Variants in TXNDC5 observed in about 807,000 individuals in gnomAD.
The protein encoded by TXNDC5 is thioredoxin domain-containing protein 5.
TXNDC5 carries 44 observed loss-of-function variants against 52.6 expected under a neutral mutation model. The ratio of observed to expected loss-of-function variants is 0.84; its 90% CI spans 0.66 to 1.08. TXNDC5 has a LOEUF of 1.08. Ranked by LOEUF, TXNDC5 falls within the 50% of genes least tolerant of loss-of-function variation. The pLI, the probability that TXNDC5 is intolerant of heterozygous loss-of-function variation, is 0.00. For missense variants in TXNDC5, 600 were observed against 565.5 expected (o/e 1.06, Z -0.62); for synonymous variants, 241 against 234.4 (o/e 1.03, Z -0.26).
intron 9 of TXNDC5, among the ~76,000 whole-genome samples, 184 bp from the exon 10 acceptor site, chr6:7,883,450 G>T (rs1273006462): frequency 6.6e-6 from 1 of 152,206 alleles, no homozygotes; most frequent in African/African-American, 2.4e-5. Context: ...CCGTGGGGCT[G>T]TGTGTTCACT....
intron 9 of TXNDC5, 132 bp downstream of exon 9, chr6:7,884,227 C>T: frequency 2.4e-6 from 3 of 1,246,842 alleles, no homozygotes; most frequent in African/African-American, 3.0e-5. Context: ...TCCAAACAAA[C>T]AACTCAAAGG....
intron 2 of TXNDC5, among the ~76,000 whole-genome samples, chr6:7,901,714 C>T (rs55767631): frequency 0.052 from 7,920 of 152,186 alleles, 284 homozygotes; most frequent in East Asian, 0.11. Flanking sequence ...AAGTATTGCC[C>T]CAGATTTCCG....
At chr6:7,900,498 C>T (rs1191852651) in intron 2 of TXNDC5, among the ~76,000 whole-genome samples, 1 of 152,184 alleles carries the variant, frequency 6.6e-6, no homozygotes, top group Non-Finnish European at 1.5e-5. Flanking sequence ...CATCTAAACA[C>T]CCCTGCCACT....
chr6:7,899,264 A>G (rs943510354), intron 3 of TXNDC5, among the ~76,000 whole-genome samples: 1 of 152,222 alleles, frequency 6.6e-6, no homozygotes, highest in African/African-American at 2.4e-5. Context: ...TTCCCTGAAG[A>G]CTGACTACAG....
At chr6:7,884,323 C>A (rs374919879) in intron 9 of TXNDC5, 36 bp downstream of exon 9, 4 of 1,612,816 alleles carry the variant, frequency 2.5e-6, no homozygotes, top group Non-Finnish European at 3.4e-6. Context: ...TGCCCCCATA[C>A]TGAGAGCTCC....
At chr6:7,888,608 T>C in intron 7 of TXNDC5, 97 bp downstream of exon 7, 2 of 1,443,962 alleles carry the variant, frequency 1.4e-6, no homozygotes, top group South Asian at 1.4e-5. Context: ...AACTGTCATT[T>C]TGTCCAAAGC....
Position 7,891,689 on chromosome 6 carries a change from C to G in TXNDC5, c.664G>C (p.Ala222Pro). Residue 222 changes from alanine to proline, a missense_variant, in exon 5 of 10, where the codon GCC becomes CCC. By Grantham distance (27) the Ala-to-Pro change is conservative (BLOSUM62 -1). Transcript: ENST00000379757. ...FFAPWCGHCK[A>P]LAPTWEQLAL... ...AGCTGCTCCCAGGTTGGAGCCAGGG[C>G]TTTGCAGTGACCACACCACGGAGCG... 1 of 1,614,010 alleles carries G rather than the reference C, an allele frequency of 6.2e-7. No individual in the cohort carries two copies. Among genetic ancestry groups the G allele is most frequent in the Non-Finnish European group, 8.5e-7 (1 of 1,179,926 alleles).
intron 1 of TXNDC5, among the ~76,000 whole-genome samples, chr6:7,909,126 C>T (rs774495055): frequency 2.0e-5 from 3 of 152,172 alleles, no homozygotes; most frequent in African/African-American, 4.8e-5. Context: ...GATTTAACTC[C>T]AAATGAACTG....
chr6:7,907,453 A>T (rs1484951855), intron 1 of TXNDC5, among the ~76,000 whole-genome samples: 2 of 152,170 alleles, frequency 1.3e-5, no homozygotes, highest in Non-Finnish European at 2.9e-5. Context: ...AGGGTGACTC[A>T]CAAACTGGCC....
intron 5 of TXNDC5, among the ~76,000 whole-genome samples, chr6:7,889,882 G>T (rs1760131858): frequency 1.3e-5 from 2 of 152,178 alleles, no homozygotes; most frequent in Admixed American, 1.3e-4. Context: ...TCAGCACCTG[G>T]TAGCTTGAGT....
chr6:7,891,670 T>C lies in TXNDC5; in HGVS notation c.683A>G (p.Glu228Gly). 1 of 1,614,024 alleles carries C rather than the reference T, an allele frequency of 6.2e-7. No homozygotes were observed. The highest frequency in any genetic ancestry group is 8.5e-7 in the Non-Finnish European group (1 of 1,179,958). ...ATGTTCAAGGCCCAGAGCCAGCTGC[T>C]CCCAGGTTGGAGCCAGGGCTTTGCA... is the stretch of plus-strand genomic sequence containing the variant. Reference protein sequence around the residue: ...GHCKALAPTWEQLALGLEHSE... With the variant: ...GHCKALAPTWGQLALGLEHSE... Residue 228 changes from glutamate to glycine, a missense_variant, in exon 5 of 10, where the codon GAG (glutamate) becomes GGG (glycine). Physicochemically the swap from Glu to Gly is moderately conservative, Grantham distance 98. Coordinates refer to ENST00000379757, the MANE Select transcript of TXNDC5 (RefSeq NM_030810.5).
chr6:7,897,418 T>C (rs1760410822), intron 3 of TXNDC5, among the ~76,000 whole-genome samples: 1 of 152,234 alleles, frequency 6.6e-6, no homozygotes, highest in African/African-American at 2.4e-5. Flanking sequence ...TTTTTAAAGT[T>C]TTCACTTAAA....
At chr6:7,888,079 C>G (rs116262647) in intron 7 of TXNDC5, among the ~76,000 whole-genome samples, 1 of 152,208 alleles carries the variant, frequency 6.6e-6, no homozygotes, top group Non-Finnish European at 1.5e-5. Flanking sequence ...GGCAGGAAAC[C>G]GGTCTTATTT....
chr6:7,884,064 G>C (rs532712996), intron 9 of TXNDC5, among the ~76,000 whole-genome samples: 9 of 152,218 alleles, frequency 5.9e-5, no homozygotes, highest in Non-Finnish European at 1.2e-4. Flanking sequence ...GTCGCGGTGT[G>C]GGAAGCCCCA....
intron 6 of TXNDC5, 94 bp from the exon 7 acceptor site, chr6:7,888,942 C>G: frequency 6.8e-7 from 1 of 1,472,582 alleles, no homozygotes; most frequent in Non-Finnish European, 9.1e-7. Context: ...CGGGTCAGAG[C>G]TCCCAGATGT....
At chr6:7,884,544 A>G (rs1282265911) in intron 8 of TXNDC5, 56 bp from the exon 9 acceptor site, 3 of 1,609,734 alleles carry the variant, frequency 1.9e-6, no homozygotes, top group Non-Finnish European at 1.7e-6. Context: ...TCATTCACCT[A>G]CACTCTGCTG....
At position 7,891,705 on chromosome 6, in the gene TXNDC5, C is replaced by T. The variant is rs1760195961; in HGVS notation, c.648G>A (p.Trp216Ter). ...GDHFIKFFAPWCGHCKALAPT... is the reference protein window; with the variant it reads ...GDHFIKFFAP ...GAGCCAGGGCTTTGCAGTGACCACA[C>T]CACGGAGCGAAGAACTTGATAAAGT... Residue 216 changes from tryptophan (W) to a stop codon, truncating the protein, a stop_gained, in exon 5 of 10, where the codon TGG (tryptophan) becomes TGA (stop). Coordinates refer to ENST00000379757, the MANE Select transcript of TXNDC5 (RefSeq NM_030810.5). LOFTEE classifies it high-confidence loss of function. 2 of 1,613,854 alleles carry T rather than the reference C, an allele frequency of 1.2e-6. No individual in the cohort carries two copies. Among genetic ancestry groups the T allele is most frequent in the South Asian group, 1.1e-5 (1 of 91,066 alleles).
intron 5 of TXNDC5, 83 bp from the exon 6 acceptor site, chr6:7,889,664 T>TA (rs1469329386): frequency 1.9e-6 from 2 of 1,055,124 alleles, no homozygotes; most frequent in Non-Finnish European, 2.8e-6. Flanking sequence ...CTTTGTACGT[T>TA]ACAAATATTC....
chr6:7,894,854 T>C (rs774009932), intron 4 of TXNDC5: 199 of 985,304 alleles, frequency 2.0e-4, no homozygotes, highest in Non-Finnish European at 2.1e-4. Flanking sequence ...AAGGATGCAC[T>C]GTCCAGCTAG....
Sources: allele counts gnomAD v4.1 joint callset (sites outside exome capture counted in the v4.1 genomes callset), GRCh38; gene constraint gnomAD v4.1.1; transcripts MANE v1.5; gene names NCBI Gene and HGNC (gene_info 2026-07-23, HGNC 2026-07-21).